The following COL24A1 variants were observed in gnomAD, a reference collection of about 807,000 sequenced individuals.
COL24A1 encodes the protein collagen type XXIV alpha 1 chain.
Under a neutral mutation model 253.9 loss-of-function variants are expected in COL24A1, and 224 were observed. The ratio of observed to expected loss-of-function variants is 0.88; its 90% CI spans 0.79 to 0.99. The LOEUF (loss-of-function observed/expected upper bound fraction) is 0.99, where lower values mean the gene tolerates loss of function less well. Among genes scored for constraint, COL24A1 ranks in the 50% least tolerant of loss-of-function variants. The pLI, the probability that COL24A1 is intolerant of heterozygous loss-of-function variation, is 0.00. For synonymous variants in COL24A1, 685 were observed against 673.7 expected, an observed-to-expected ratio of 1.02 and a Z score of -0.26; for missense variants, 2,131 against 2,068.5, an observed-to-expected ratio of 1.03 and a Z score of -0.59.
At chr1:85,933,362 T>G (rs750731239) in intron 24 of COL24A1, among the ~76,000 whole-genome samples, 4 of 147,464 alleles carry the variant, frequency 2.7e-5, no homozygotes, top group Non-Finnish European at 4.5e-5. Context: ...TTTCACAGAA[T>G]AATTTTTTTT....
intron 38 of COL24A1, among the ~76,000 whole-genome samples, chr1:85,848,841 T>A (rs1442826038): frequency 2.0e-5 from 3 of 152,202 alleles, no homozygotes; most frequent in Non-Finnish European, 4.4e-5. Flanking sequence ...AGACTTGCAC[T>A]GTCTCACTAT....
intron 55 of COL24A1, among the ~76,000 whole-genome samples, chr1:85,754,968 C>G (rs1666068059): frequency 6.6e-6 from 1 of 152,262 alleles, no homozygotes; most frequent in Non-Finnish European, 1.5e-5. Flanking sequence ...TTAACCTACA[C>G]ATCCGAGAAG....
intron 20 of COL24A1, among the ~76,000 whole-genome samples, chr1:85,987,375 CCTT>C (rs1693809059): frequency 6.6e-6 from 1 of 151,748 alleles, no homozygotes; most frequent in Non-Finnish European, 1.5e-5. Context: ...CCAAAAAAAT[CCTT>C]CTGGGTGATT....
chr1:85,912,916 AT>A (rs1167725641), intron 24 of COL24A1, among the ~76,000 whole-genome samples: 4 of 152,228 alleles, frequency 2.6e-5, no homozygotes, highest in African/African-American at 9.6e-5. Flanking sequence ...CTGATTTGAT[AT>A]ATTGGTGTAA....
At chr1:85,993,898 T>G (rs905476353) in intron 19 of COL24A1, among the ~76,000 whole-genome samples, 1 of 151,996 alleles carries the variant, frequency 6.6e-6, no homozygotes, top group Non-Finnish European at 1.5e-5. Context: ...TTGGCTTGTT[T>G]TAGAGGTAAT....
chr1:85,868,182 C>G (rs1680002198), intron 37 of COL24A1, among the ~76,000 whole-genome samples: 1 of 152,128 alleles, frequency 6.6e-6, no homozygotes, highest in African/African-American at 2.4e-5. Context: ...CTTGTTTCAT[C>G]CTGGAGCTGC....
In COL24A1 at chr1:86,069,201, C is replaced by T. The variant is rs568228615; in HGVS notation, c.1708-5442G>A. Among the ~76,000 whole-genome samples, 34 of 152,234 alleles carry T rather than the reference C, an allele frequency of 2.2e-4. No homozygotes were observed. The South Asian group carries it at 3.7e-3, about 17-fold the overall frequency. On this transcript the variant is annotated intron_variant, in intron 7 of 59. Coordinates refer to ENST00000370571, the MANE Select transcript of COL24A1 (RefSeq NM_152890.7). Reference sequence around the variant, plus strand: ...CCTTGAGACCAGGACTAGGATCTTACACAGCATTTCTGGACCGTCCCTACT... The same window carrying T: ...CCTTGAGACCAGGACTAGGATCTTATACAGCATTTCTGGACCGTCCCTACT...
intron 53 of COL24A1, among the ~76,000 whole-genome samples, chr1:85,772,240 A>T (rs1473631265): frequency 6.6e-6 from 1 of 151,910 alleles, no homozygotes; most frequent in Non-Finnish European, 1.5e-5. Flanking sequence ...AGAAATGCAA[A>T]TCAAAACTAC....
At chr1:85,948,644 T>C (rs1218986085) in intron 24 of COL24A1, among the ~76,000 whole-genome samples, 3 of 151,568 alleles carry the variant, frequency 2.0e-5, no homozygotes, top group African/African-American at 7.3e-5. Flanking sequence ...TGTGTTTCTG[T>C]ATACCAACAC....
intron 19 of COL24A1, among the ~76,000 whole-genome samples, chr1:86,014,026 C>T (rs996324546): frequency 3.9e-5 from 6 of 152,168 alleles, no homozygotes; most frequent in Admixed American, 3.9e-4. Flanking sequence ...AGAGACTATC[C>T]TATCTGACCT....
At chr1:85,818,357 A>G (rs1673257543) in intron 45 of COL24A1, among the ~76,000 whole-genome samples, 1 of 152,208 alleles carries the variant, frequency 6.6e-6, no homozygotes, top group South Asian at 2.1e-4. Flanking sequence ...TGAATAGATT[A>G]TTTAATAAAT....
intron 53 of COL24A1, among the ~76,000 whole-genome samples, chr1:85,765,763 G>A (rs549624896): frequency 7.2e-5 from 11 of 151,854 alleles, no homozygotes; most frequent in Non-Finnish European, 1.3e-4. Flanking sequence ...ATCCTTTGCC[G>A]ATATCTGACA....
chr1:85,917,715 G>C (rs1248617077), intron 24 of COL24A1, among the ~76,000 whole-genome samples: 1 of 151,778 alleles, frequency 6.6e-6, no homozygotes, highest in African/African-American at 2.4e-5. Context: ...ATTTGAGATG[G>C]AGTCTTGCTC....
chr1:85,754,537 T>TAA (rs35579049), intron 55 of COL24A1, among the ~76,000 whole-genome samples: 1,067 of 91,144 alleles, frequency 0.012, 21 homozygotes, highest in African/African-American at 0.04. Context: ...TAGAGTATAA[T>TAA]AAAAAAAAAA....
chr1:85,943,228 C>T (rs1036859958), intron 24 of COL24A1, among the ~76,000 whole-genome samples: 1 of 152,222 alleles, frequency 6.6e-6, no homozygotes, highest in South Asian at 2.1e-4. Flanking sequence ...CAGCCTCAGA[C>T]TGAGTTACAT....
chr1:86,142,194 A>C (rs1374372127), intron 2 of COL24A1, among the ~76,000 whole-genome samples: 1 of 152,086 alleles, frequency 6.6e-6, no homozygotes, highest in African/African-American at 2.4e-5. Flanking sequence ...GGATGAAAAA[A>C]AAAAAGACTA....
At chr1:86,076,412 C>T (rs2101878227) in intron 7 of COL24A1, among the ~76,000 whole-genome samples, 1 of 152,302 alleles carries the variant, frequency 6.6e-6, no homozygotes, top group Non-Finnish European at 1.5e-5. Flanking sequence ...AATGGAAAAA[C>T]ATTCCATGCT....
intron 37 of COL24A1, among the ~76,000 whole-genome samples, chr1:85,862,372 T>G (rs2102453300): frequency 6.6e-6 from 1 of 152,294 alleles, no homozygotes; most frequent in East Asian, 1.9e-4. Flanking sequence ...TTAGAAAATC[T>G]AAGACAATGA....
intron 37 of COL24A1, among the ~76,000 whole-genome samples, chr1:85,859,728 C>T (rs1294958098): frequency 6.6e-6 from 1 of 152,136 alleles, no homozygotes; most frequent in Non-Finnish European, 1.5e-5. Context: ...TTGCCCACTG[C>T]AACCCATTTG....
Sources: allele counts gnomAD v4.1 joint callset (sites outside exome capture counted in the v4.1 genomes callset), GRCh38; gene constraint gnomAD v4.1.1; transcripts MANE v1.5; gene names NCBI Gene and HGNC (gene_info 2026-07-23, HGNC 2026-07-21).